Variants in FOXO3 observed in about 807,000 individuals in gnomAD.
FOXO3 encodes forkhead box protein O3.
In FOXO3, 4 loss-of-function variants were observed where a neutral mutation model predicts 41.9. The ratio of observed to expected loss-of-function variants is 0.10; its 90% CI spans 0.05 to 0.22. The LOEUF is 0.22. Ranked by LOEUF, FOXO3 falls within the 10% of genes least tolerant of loss-of-function variation. FOXO3 has a pLI of 1.00. For synonymous variants in FOXO3, 318 were observed against 389.3 expected, an observed-to-expected ratio of 0.82 and a Z score of 2.16; for missense variants, 534 against 906.8, an observed-to-expected ratio of 0.59 and a Z score of 5.28.
chr6:108,648,164 G>C (rs1778445153), intron 1 of FOXO3, among the ~76,000 whole-genome samples: 1 of 152,150 alleles, frequency 6.6e-6, no homozygotes, highest in African/African-American at 2.4e-5. Flanking sequence ...TCCTGGCCCA[G>C]GACTCCATAA....
chr6:108,655,999 C>T (rs1409261245), intron 1 of FOXO3, among the ~76,000 whole-genome samples: 1 of 152,092 alleles, frequency 6.6e-6, no homozygotes, highest in Non-Finnish European at 1.5e-5. Flanking sequence ...CCAGTGCTTT[C>T]CCCTGAAATT....
chr6:108,673,369 C>T (rs1242814735), intron 2 of FOXO3, among the ~76,000 whole-genome samples: 1 of 152,242 alleles, frequency 6.6e-6, no homozygotes, highest in Non-Finnish European at 1.5e-5. Flanking sequence ...AATCTGCACA[C>T]CTGGCCAGGG....
chr6:108,678,890 T>TC (rs1554220377), intron 2 of FOXO3, among the ~76,000 whole-genome samples: 3 of 115,334 alleles, frequency 2.6e-5, no homozygotes, highest in African/African-American at 5.8e-5. Context: ...TTTTTTTTTT[T>TC]TGAGACGGAG....
At chr6:108,578,156 C>T (rs569557472) in intron 1 of FOXO3, among the ~76,000 whole-genome samples, 14 of 152,198 alleles carry the variant, frequency 9.2e-5, no homozygotes, top group African/African-American at 2.2e-4. Context: ...AGCTCAGCAG[C>T]GTCAGCATCA....
intron 1 of FOXO3, 83 bp downstream of exon 1, chr6:108,561,912 G>T: frequency 6.8e-7 from 1 of 1,468,324 alleles, no homozygotes; most frequent in Non-Finnish European, 9.0e-7. Flanking sequence ...GTCGGAGTGC[G>T]CTTGCGGGCT....
intron 1 of FOXO3, among the ~76,000 whole-genome samples, chr6:108,614,143 A>T (rs1379398637): frequency 6.6e-6 from 1 of 152,052 alleles, no homozygotes; most frequent in African/African-American, 2.4e-5. Flanking sequence ...ATCTTATTGA[A>T]TGTTTTCCAT....
chr6:108,574,772 G>A (rs559295786), intron 1 of FOXO3, among the ~76,000 whole-genome samples: 1 of 152,338 alleles, frequency 6.6e-6, no homozygotes, highest in South Asian at 2.1e-4. Context: ...CAGGAAGGCA[G>A]TGCCGTAAGA....
At chr6:108,582,451 A>C (rs1582744439) in intron 1 of FOXO3, among the ~76,000 whole-genome samples, 2 of 152,348 alleles carry the variant, frequency 1.3e-5, no homozygotes, top group East Asian at 3.9e-4. Flanking sequence ...ATAACATTTT[A>C]AACAGTTGCT....
intron 1 of FOXO3, among the ~76,000 whole-genome samples, chr6:108,611,345 G>A (rs1405427183): frequency 6.6e-6 from 1 of 152,138 alleles, no homozygotes; most frequent in African/African-American, 2.4e-5. Flanking sequence ...CAGGACTTTT[G>A]GGGATGTATT....
chr6:108,632,897 A>T (rs1778016228), intron 1 of FOXO3, among the ~76,000 whole-genome samples: 1 of 152,282 alleles, frequency 6.6e-6, no homozygotes, highest in South Asian at 2.1e-4. Flanking sequence ...AAAACTTTTT[A>T]AAAACTTGCA....
chr6:108,600,441 G>A (rs143290274), intron 1 of FOXO3, among the ~76,000 whole-genome samples: 154 of 151,088 alleles, frequency 1.0e-3, no homozygotes, highest in Non-Finnish European at 1.9e-3. Context: ...CAGCTGCTCC[G>A]GAGACTGAGG....
intron 1 of FOXO3, among the ~76,000 whole-genome samples, chr6:108,661,409 G>C (rs1359280177): frequency 6.6e-6 from 1 of 151,844 alleles, no homozygotes. Context: ...TGTCTTTAAC[G>C]TGCAAATAAA....
chr6:108,677,002 C>G (rs1460669534), intron 2 of FOXO3, among the ~76,000 whole-genome samples: 1 of 152,208 alleles, frequency 6.6e-6, no homozygotes, highest in East Asian at 1.9e-4. Flanking sequence ...AACCAAAGGC[C>G]TTTCTGTTCT....
intron 1 of FOXO3, among the ~76,000 whole-genome samples, chr6:108,562,720 C>G (rs747347695): frequency 6.6e-6 from 1 of 152,184 alleles, no homozygotes; most frequent in African/African-American, 2.4e-5. Context: ...GAGAGACTCT[C>G]TACCGTTCCT....
rs370335714 is a variant in FOXO3, at chr6:108,597,619, C to T, written c.621+35790C>T. 3.3e-5 allele frequency among the ~76,000 whole-genome samples: 5 copies of T among 152,274 alleles called. No homozygotes were observed. The South Asian group carries it at 1.0e-3, about 32-fold the overall frequency. On this transcript the variant is annotated intron_variant, in intron 1 of 2. Coordinates refer to ENST00000406360, the MANE Select transcript of FOXO3 (RefSeq NM_001455.4). ...GGTACTTTGATTCCATTACACATTGCGTTACCAGTCTCCAGAGTCCATGGG... is the reference window on the plus strand; with the variant it reads ...GGTACTTTGATTCCATTACACATTGTGTTACCAGTCTCCAGAGTCCATGGG...
chr6:108,592,885 A>G (rs893104180), intron 1 of FOXO3, among the ~76,000 whole-genome samples: 1 of 152,092 alleles, frequency 6.6e-6, no homozygotes, highest in Non-Finnish European at 1.5e-5. Context: ...GGGGAGGAGG[A>G]TGATTCTTAG....
At chr6:108,653,437 G>A (rs1778601354) in intron 1 of FOXO3, among the ~76,000 whole-genome samples, 1 of 152,118 alleles carries the variant, frequency 6.6e-6, no homozygotes, top group African/African-American at 2.4e-5. Flanking sequence ...TCTCTTTCTG[G>A]GTGGTGGGTT....
intron 1 of FOXO3, among the ~76,000 whole-genome samples, chr6:108,570,464 T>A (rs2128356830): frequency 6.6e-6 from 1 of 152,320 alleles, no homozygotes; most frequent in Admixed American, 6.5e-5. Context: ...TAGCTGGGAC[T>A]ACTAATGAGC....
chr6:108,602,742 G>A (rs1012684782), intron 1 of FOXO3, among the ~76,000 whole-genome samples: 7 of 152,026 alleles, frequency 4.6e-5, no homozygotes, highest in African/African-American at 1.7e-4. Context: ...ATTAATATAA[G>A]CAATATAGAT....
Sources: gnomAD v4.1 joint callset for allele counts (sites outside exome capture counted in the v4.1 genomes callset) on GRCh38, gnomAD v4.1.1 for gene constraint, MANE v1.5 for transcripts, NCBI Gene and HGNC (gene_info 2026-07-23, HGNC 2026-07-21) for gene names.